The following TRIO variants were observed in gnomAD, a reference collection of about 807,000 sequenced individuals.
TRIO encodes trio Rho guanine nucleotide exchange factor.
A neutral mutation model predicts 351.9 loss-of-function variants in TRIO; 58 were observed. The observed-to-expected ratio is 0.16, with a 90% confidence interval of 0.13 to 0.21. The LOEUF is 0.21. Ranked by LOEUF, TRIO falls within the 10% of genes least tolerant of loss-of-function variation. The pLI, the probability that TRIO is intolerant of heterozygous loss-of-function variation, is 1.00. For synonymous variants in TRIO, 1,758 were observed against 1,595.7 expected (o/e 1.10, Z -2.42); for missense variants, 3,201 against 4,027.8 (o/e 0.79, Z 5.56).
intron 1 of TRIO, among the ~76,000 whole-genome samples, chr5:14,161,032 TC>T (rs1292368705): frequency 3.9e-5 from 6 of 152,258 alleles, no homozygotes; most frequent in Non-Finnish European, 4.4e-5. Context: ...TGCCTTAGTC[TC>T]CTTGTAACTG....
intron 11 of TRIO, among the ~76,000 whole-genome samples, chr5:14,347,964 G>T (rs1163163263): frequency 6.6e-6 from 1 of 152,180 alleles, no homozygotes; most frequent in East Asian, 1.9e-4. Context: ...CACATAGGTG[G>T]CAACAGCATG....
chr5:14,364,003 A>G (rs556818155), intron 14 of TRIO, 76 bp downstream of exon 14: 2 of 1,437,278 alleles, frequency 1.4e-6, no homozygotes, highest in South Asian at 2.7e-5. Flanking sequence ...TTTCAGTGGG[A>G]TGACTGCAAA....
At chr5:14,246,897 C>A (rs1794472212) in intron 1 of TRIO, among the ~76,000 whole-genome samples, 1 of 152,248 alleles carries the variant, frequency 6.6e-6, no homozygotes, top group Non-Finnish European at 1.5e-5. Context: ...ACCTTCACAA[C>A]TCCCCTTCAG....
At chr5:14,192,099 A>G (rs1196807272) in intron 1 of TRIO, among the ~76,000 whole-genome samples, 6 of 152,212 alleles carry the variant, frequency 3.9e-5, no homozygotes, top group Non-Finnish European at 7.3e-5. Context: ...AGTAATGGCA[A>G]TGGCAATAAT....
At chr5:14,357,577 A>T (rs999051080) in intron 11 of TRIO, among the ~76,000 whole-genome samples, 1 of 151,392 alleles carries the variant, frequency 6.6e-6, no homozygotes, top group African/African-American at 2.4e-5. Context: ...CAGCATGCAC[A>T]CTCTTTCCGT....
At chr5:14,438,897 G>A (rs989691599) in intron 34 of TRIO, among the ~76,000 whole-genome samples, 1 of 152,190 alleles carries the variant, frequency 6.6e-6, no homozygotes, top group African/African-American at 2.4e-5. Flanking sequence ...CATCTGACAC[G>A]CTCTGCAGTC....
intron 34 of TRIO, among the ~76,000 whole-genome samples, chr5:14,426,012 A>G (rs1750609699): frequency 6.6e-6 from 1 of 152,158 alleles, no homozygotes; most frequent in Non-Finnish European, 1.5e-5. Context: ...CTTTATCTCA[A>G]TAATATATTT....
At position 14,304,611 on chromosome 5, in the gene TRIO, T is replaced by C; in HGVS notation, c.1500+19T>C. 6.2e-7 allele frequency: 1 copy of C among 1,605,566 alleles called. No homozygotes were observed. Among genetic ancestry groups the C allele is most frequent in the South Asian group, 1.1e-5 (1 of 88,514 alleles). ...TTCTGAGGTAAGTGGCCAGTTTTAC[T>C]TACATTGCAAAGCAGCATCATTTTT... On this transcript the variant is annotated intron_variant, in intron 8 of 56. Transcript: ENST00000344204.
intron 1 of TRIO, among the ~76,000 whole-genome samples, chr5:14,227,512 C>A (rs1320933765): frequency 6.6e-6 from 1 of 152,160 alleles, no homozygotes; most frequent in Admixed American, 6.5e-5. Context: ...ATGCAGTCTG[C>A]TGGGGAGTAC....
chr5:14,315,351 C>T (rs988048733), intron 8 of TRIO, among the ~76,000 whole-genome samples: 1 of 151,266 alleles, frequency 6.6e-6, no homozygotes, highest in African/African-American at 2.4e-5. Flanking sequence ...CTCCTGGGGT[C>T]AAGCCATTCT....
chr5:14,498,681 G>T lies in TRIO; in HGVS notation c.8332+41G>T, dbSNP rs151064200. On this transcript the variant is annotated intron_variant, in intron 53 of 56. Transcript: ENST00000344204. ...CGAGGATTCTACGTGACCCAGTGGGGCACGTCTTTCAGGAGTCTCCTTAAG... is the reference window on the plus strand; with the variant it reads ...CGAGGATTCTACGTGACCCAGTGGGTCACGTCTTTCAGGAGTCTCCTTAAG... 5 of 1,598,098 alleles carry T rather than the reference G, an allele frequency of 3.1e-6. No homozygotes were observed. The African/African-American group carries it at 5.4e-5, about 17-fold the overall frequency.
At chr5:14,229,358 A>C (rs1220922401) in intron 1 of TRIO, among the ~76,000 whole-genome samples, 2 of 152,248 alleles carry the variant, frequency 1.3e-5, no homozygotes, top group Non-Finnish European at 2.9e-5. Context: ...CCTTCCAGTG[A>C]AACTTCATTT....
rs182464972 is a variant in TRIO, at chr5:14,190,196, T to A, written c.157+46314T>A. On this transcript the variant is annotated intron_variant, in intron 1 of 56. Transcript: ENST00000344204. Reference sequence around the variant, plus strand: ...AGAAATCTATTCCAAAGGAATTGCTTCCTCAATCCCCACTGGCCACTGCTT... The same window carrying A: ...AGAAATCTATTCCAAAGGAATTGCTACCTCAATCCCCACTGGCCACTGCTT... Among the ~76,000 whole-genome samples the A allele has an allele frequency of 2.0e-5, 3 of 152,240 alleles. No homozygotes were observed. The East Asian group carries it at 5.8e-4, about 29-fold the overall frequency.
At chr5:14,366,838 G>C in intron 15 of TRIO, 22 bp from the exon 16 acceptor site, 2 of 1,614,060 alleles carry the variant, frequency 1.2e-6, no homozygotes, top group Non-Finnish European at 1.7e-6. Context: ...ACTGCTTGGA[G>C]TTATCCTGTG....
intron 34 of TRIO, among the ~76,000 whole-genome samples, chr5:14,455,074 T>C (rs1753168924): frequency 6.6e-6 from 1 of 151,988 alleles, no homozygotes; most frequent in Non-Finnish European, 1.5e-5. Flanking sequence ...ACCTTCGCGG[T>C]GAGTGTTATA....
At chr5:14,338,054 T>A (rs955787830) in intron 11 of TRIO, among the ~76,000 whole-genome samples, 2 of 152,192 alleles carry the variant, frequency 1.3e-5, no homozygotes, top group African/African-American at 4.8e-5. Flanking sequence ...ACACATTAAA[T>A]GGACATTGTT....
In TRIO at chr5:14,487,728, C is replaced by T. The variant is rs1481429543; in HGVS notation, c.7100C>T (p.Ser2367Leu). Residue 2367 changes from serine to leucine, a missense_variant, in exon 48 of 57, where the codon TCA becomes TTA. By Grantham distance (145) the Ser-to-Leu change is moderately radical (BLOSUM62 -2). Around this residue, in one of 19 missense-constraint regions of TRIO, gnomAD observed 1,089 missense variants for 954.9 expected, o/e 1.14. Transcript: ENST00000344204. ...ASSQAEADKM[S>L]GTSTPGPSLP... ...AGCCAGGCAGAGGCAGACAAGATGT[C>T]AGGTACGTCCACCCCCGGGCCCTCC... is the stretch of plus-strand genomic sequence containing the variant. 2 of 1,435,092 alleles carry T rather than the reference C, an allele frequency of 1.4e-6. No individual in the cohort carries two copies. Among genetic ancestry groups the T allele is most frequent in the Non-Finnish European group, 1.8e-6 (2 of 1,085,500 alleles). 88.9% of individuals were successfully genotyped at this position (1,435,092 alleles called of 1,614,324 possible).
intron 8 of TRIO, among the ~76,000 whole-genome samples, chr5:14,315,678 C>T (rs1739323589): frequency 6.6e-6 from 1 of 152,198 alleles, no homozygotes; most frequent in Admixed American, 6.5e-5. Context: ...CTCACACACA[C>T]TTTGTGTTGT....
rs1746642016 is a variant in TRIO at position 14,387,448 on chromosome 5, AGAG to A, written c.3582_3584del (p.Arg1195del). 6.2e-7 allele frequency: 1 copy of A among 1,607,030 alleles called. No homozygotes were observed. On this transcript the variant is annotated inframe_deletion, in exon 22 of 57. Coordinates refer to ENST00000344204, the MANE Select transcript of TRIO (RefSeq NM_007118.4). ...TGTTGTTTTTTGCAGCAAACCAAAG[AGAG>A]AGTGAAGCTATTGATACAGCTGGCT...
Sources: allele counts gnomAD v4.1 joint callset (sites outside exome capture counted in the v4.1 genomes callset), GRCh38; gene constraint gnomAD v4.1.1; regional missense constraint gnomAD v4.1.1; transcripts MANE v1.5; gene names NCBI Gene and HGNC (gene_info 2026-07-23, HGNC 2026-07-21).